PATJ: variants seen among roughly 807,000 people sequenced by gnomAD.
PATJ encodes the protein PATJ crumbs cell polarity complex component, also known as inaD-like protein.
Under a neutral mutation model 224.9 loss-of-function variants are expected in PATJ, and 190 were observed. That is an observed-to-expected ratio of 0.84 (90% CI 0.75 to 0.95). The LOEUF (loss-of-function observed/expected upper bound fraction) is 0.95. Ranked by LOEUF, PATJ falls within the 40% of genes least tolerant of loss-of-function variation. The pLI is 0.00. For missense variants in PATJ, 2,121 were observed against 2,270.3 expected (o/e 0.93, Z 1.34); for synonymous variants, 769 against 820.3 (o/e 0.94, Z 1.07).
Position 62,114,052 on chromosome 1 carries a change from G to A in PATJ, c.4462-1G>A. On this transcript the variant is annotated splice_acceptor_variant, in intron 34 of 43. Coordinates refer to ENST00000642238, the MANE Select transcript of PATJ (RefSeq NM_001350145.3). LOFTEE classifies it high-confidence loss of function. Reference sequence around the variant, plus strand: ...CCAGCTCAGGATGCCCATTGTTCCAGGTTAATGGGGTTGACCTGAGGAACT... The same window carrying A: ...CCAGCTCAGGATGCCCATTGTTCCAAGTTAATGGGGTTGACCTGAGGAACT... 1.9e-6 allele frequency: 3 copies of A among 1,613,874 alleles called. No individual in the cohort carries two copies. Among genetic ancestry groups the A allele is most frequent in the African/African-American group, 2.7e-5 (2 of 75,030 alleles).
chr1:61,954,815 A>G (rs922232166), intron 27 of PATJ, among the ~76,000 whole-genome samples: 3 of 145,304 alleles, frequency 2.1e-5, no homozygotes, highest in African/African-American at 5.1e-5. Context: ...GTGCAGTGGC[A>G]CTATCTTGGC....
rs139639687 is a variant in PATJ at position 61,987,039 on chromosome 1, A to AC, written c.3671-3128dup. ...TCTTTAGCTGTGTCTCTCAAGTTTG[A>AC]CATCTAGAATTATAATTTTTATTCA... On this transcript the variant is annotated intron_variant, in intron 27 of 43. Coordinates refer to ENST00000642238, the MANE Select transcript of PATJ (RefSeq NM_001350145.3). 6.1e-3 allele frequency among the ~76,000 whole-genome samples: 926 copies of AC among 151,990 alleles called. 8 individuals are homozygous for AC. Among genetic ancestry groups the AC allele is most frequent in the African/African-American group, 0.021 (876 of 41,486 alleles).
chr1:61,839,459 T>C (rs1025343152), intron 17 of PATJ, among the ~76,000 whole-genome samples: 1 of 152,164 alleles, frequency 6.6e-6, no homozygotes, highest in Non-Finnish European at 1.5e-5. Context: ...AGTAATTTGT[T>C]GTGGGTTAAT....
chr1:61,757,719 A>G (rs1466841130), intron 1 of PATJ, among the ~76,000 whole-genome samples: 1 of 152,222 alleles, frequency 6.6e-6, no homozygotes, highest in African/African-American at 2.4e-5. Flanking sequence ...TAATACCTGC[A>G]GCATTTAAAG....
At chr1:61,976,704 G>A (rs775919710) in intron 27 of PATJ, among the ~76,000 whole-genome samples, 1 of 151,898 alleles carries the variant, frequency 6.6e-6, no homozygotes, top group East Asian at 1.9e-4. Context: ...CAGTGTGCCC[G>A]GACTTGTTTT....
At chr1:62,052,017 C>T (rs1570342065) in intron 31 of PATJ, among the ~76,000 whole-genome samples, 1 of 152,182 alleles carries the variant, frequency 6.6e-6, no homozygotes, top group Non-Finnish European at 1.5e-5. Context: ...TACCCTCTGA[C>T]TCCCATGCCT....
At chr1:61,800,993 G>T (rs1160567933) in intron 11 of PATJ, among the ~76,000 whole-genome samples, 1 of 152,146 alleles carries the variant, frequency 6.6e-6, no homozygotes, top group Non-Finnish European at 1.5e-5. Context: ...TAGACATTTG[G>T]GTTGGTTCCA....
In PATJ at chr1:62,161,176, C is replaced by G. The variant is rs936864890; in HGVS notation, c.*122C>G. 3.2e-5 allele frequency: 23 copies of G among 723,888 alleles called. No individual in the cohort carries two copies. Among genetic ancestry groups the G allele is most frequent in the Non-Finnish European group, 4.0e-5 (20 of 502,138 alleles). The allele number at this position is 723,888 out of a possible 1,614,324, so 44.8% of individuals were successfully genotyped here. A position where few individuals can be genotyped will look rare whatever the true frequency, so the allele number is the denominator to read the frequency against. Reference sequence around the variant, plus strand: ...CACCTTCATTCTTATTTCTTGCCCTCTCTGCTCAGGAGAAATGGCTGAGGT... The same window carrying G: ...CACCTTCATTCTTATTTCTTGCCCTGTCTGCTCAGGAGAAATGGCTGAGGT... On this transcript the variant is annotated 3_prime_UTR_variant, in exon 44 of 44. Transcript: ENST00000642238.
chr1:61,920,281 T>G (rs922406024), intron 26 of PATJ, among the ~76,000 whole-genome samples: 1 of 152,176 alleles, frequency 6.6e-6, no homozygotes, highest in African/African-American at 2.4e-5. Flanking sequence ...CCTTGAATTC[T>G]CAAGTGTTGT....
chr1:61,894,552 C>A (rs550264979), intron 22 of PATJ, among the ~76,000 whole-genome samples: 1 of 152,174 alleles, frequency 6.6e-6, no homozygotes, highest in Non-Finnish European at 1.5e-5. Flanking sequence ...CTGTCTCTTT[C>A]CTGCCAACAT....
At chr1:61,782,669 CTATGA>C (rs1259661808) in intron 7 of PATJ, among the ~76,000 whole-genome samples, 1 of 152,072 alleles carries the variant, frequency 6.6e-6, no homozygotes, top group Non-Finnish European at 1.5e-5. Flanking sequence ...TAGAGAAATT[CTATGA>C]TATTAAAAGG....
intron 32 of PATJ, among the ~76,000 whole-genome samples, chr1:62,084,040 G>A (rs1659623613): frequency 6.6e-6 from 1 of 152,172 alleles, no homozygotes; most frequent in Admixed American, 6.5e-5. Flanking sequence ...GATCACCTGA[G>A]GCCAGGAGTC....
At chr1:62,016,548 G>C (rs1281315685) in intron 28 of PATJ, among the ~76,000 whole-genome samples, 2 of 152,162 alleles carry the variant, frequency 1.3e-5, no homozygotes, top group Non-Finnish European at 2.9e-5. Context: ...AGTCAAAACT[G>C]TATGAGCTGT....
intron 7 of PATJ, among the ~76,000 whole-genome samples, chr1:61,782,490 C>T (rs1647543456): frequency 6.6e-6 from 1 of 152,142 alleles, no homozygotes; most frequent in African/African-American, 2.4e-5. Flanking sequence ...CTCCAAAGCC[C>T]TTACCTGTCT....
chr1:61,813,332 TAC>T (rs1655235422), intron 14 of PATJ, among the ~76,000 whole-genome samples: 2 of 47,370 alleles, frequency 4.2e-5, no homozygotes, highest in Non-Finnish European at 9.3e-5. Context: ...CTATGGAATG[TAC>T]ATATATATAT....
chr1:62,110,075 C>T (rs1663614564), intron 34 of PATJ, among the ~76,000 whole-genome samples: 1 of 152,150 alleles, frequency 6.6e-6, no homozygotes, highest in African/African-American at 2.4e-5. Context: ...TTAACAGTTT[C>T]CTGGCAACTG....
chr1:61,927,020 G>A (rs761833145), intron 26 of PATJ, among the ~76,000 whole-genome samples: 4 of 152,052 alleles, frequency 2.6e-5, no homozygotes, highest in African/African-American at 4.8e-5. Context: ...TTTTCCCAGC[G>A]TTCAAGAAAA....
chr1:61,870,840 A>G (rs1187941071), intron 20 of PATJ, among the ~76,000 whole-genome samples: 2 of 152,158 alleles, frequency 1.3e-5, no homozygotes, highest in African/African-American at 4.8e-5. Flanking sequence ...TTATATTTCC[A>G]TTAGCAAAGC....
rs77381872 is a variant in PATJ, at chr1:61,761,382, A to G, written c.-35-1476A>G. ...GCTTCCTTGAACCCCTTCCCAGTGTAGGGGAGGGAAAATAGCCTCTACCCT... is the reference window on the plus strand; with the variant it reads ...GCTTCCTTGAACCCCTTCCCAGTGTGGGGGAGGGAAAATAGCCTCTACCCT... On this transcript the variant is annotated intron_variant, in intron 1 of 43. Transcript: ENST00000642238. Among the ~76,000 whole-genome samples, 404 of 152,240 alleles carry G rather than the reference A, an allele frequency of 2.7e-3. 10 individuals are homozygous for G. The East Asian group carries it at 0.06, about 23-fold the overall frequency.
Sources: allele counts gnomAD v4.1 joint callset (sites outside exome capture counted in the v4.1 genomes callset), GRCh38; gene constraint gnomAD v4.1.1; transcripts MANE v1.5; gene names NCBI Gene and HGNC (gene_info 2026-07-23, HGNC 2026-07-21).